The following GPSM1 variants were observed in gnomAD, a reference collection of about 807,000 sequenced individuals.
GPSM1 encodes the protein G protein signaling modulator 1.
Under a neutral mutation model 70.5 loss-of-function variants are expected in GPSM1, and 48 were observed. The ratio of observed to expected loss-of-function variants is 0.68; its 90% CI spans 0.54 to 0.87. GPSM1 has a LOEUF of 0.87. Among genes scored for constraint, GPSM1 ranks in the 40% least tolerant of loss-of-function variants. GPSM1 has a pLI of 0.00. For synonymous variants in GPSM1, 416 were observed against 430.1 expected, an observed-to-expected ratio of 0.97 and a Z score of 0.41; for missense variants, 981 against 972.6, an observed-to-expected ratio of 1.01 and a Z score of -0.11.
intron 13 of GPSM1, among the ~76,000 whole-genome samples, chr9:136,357,504 C>A (rs193293312): frequency 2.0e-5 from 3 of 152,380 alleles, no homozygotes; most frequent in East Asian, 3.9e-4. Flanking sequence ...GGCCTGCACA[C>A]TGGAGCAGGC....
intron 5 of GPSM1, 131 bp downstream of exon 5, chr9:136,337,695 C>A: frequency 1.0e-6 from 1 of 1,002,268 alleles, no homozygotes; most frequent in South Asian, 1.5e-5. Context: ...CGAGTCCTGG[C>A]CTCATCTGCA....
At position 136,343,696 on chromosome 9, in the gene GPSM1, C is replaced by T. The variant is rs892883080; in HGVS notation, c.1207+2703C>T. On this transcript the variant is annotated intron_variant, in intron 9 of 13. Coordinates refer to ENST00000440944, the MANE Select transcript of GPSM1 (RefSeq NM_001145638.3). The surrounding 1 kb of genome is among the most constrained non-coding windows in gnomAD (Gnocchi z 6.0). ...TGCCTCAGTGTCCCCATCTGGGGAA[C>T]GGGCCCATCAGTAGTGCTGGGAACA... is the stretch of plus-strand genomic sequence containing the variant. Among the ~76,000 whole-genome samples, 1 of 152,228 alleles carries T rather than the reference C, an allele frequency of 6.6e-6. No homozygotes were observed. Among genetic ancestry groups the T allele is most frequent in the Non-Finnish European group, 1.5e-5 (1 of 68,044 alleles).
Position 136,341,092 on chromosome 9 carries a change from G to C in GPSM1, c.1207+99G>C. 6.5e-7 allele frequency: 1 copy of C among 1,550,232 alleles called. No individual in the cohort carries two copies. Among genetic ancestry groups the C allele is most frequent in the Non-Finnish European group, 8.7e-7 (1 of 1,146,942 alleles). On this transcript the variant is annotated intron_variant, in intron 9 of 13. Transcript: ENST00000440944. The surrounding 1 kb of genome is among the most constrained non-coding windows in gnomAD (Gnocchi z 6.7). ...ATCGAGGCCAGGCCAGCATGGCGGA[G>C]GTGGCAGCCGCCAGAAAATGGCGCC...
At chr9:136,347,099 G>T (rs566590056) in intron 9 of GPSM1, among the ~76,000 whole-genome samples, 2 of 152,256 alleles carry the variant, frequency 1.3e-5, no homozygotes, top group South Asian at 4.1e-4. Flanking sequence ...GCCTGATGCA[G>T]GCAGCCACCA....
chr9:136,348,467 C>G (rs1253552862), intron 9 of GPSM1, among the ~76,000 whole-genome samples: 1 of 152,240 alleles, frequency 6.6e-6, no homozygotes, highest in Non-Finnish European at 1.5e-5. Context: ...CAGACCCCAC[C>G]TGGCCCCAGC....
chr9:136,358,526 C>CGGAA lies in GPSM1; in HGVS notation c.*306_*307insGGAA. The stretch of plus-strand genomic sequence containing the variant: ...ACTCCCGCATCCTCTCCCCCAAGCC[C>CGGAA]TTCCCGTTCTGCCCTGCCCTGCCAA... On this transcript the variant is annotated 3_prime_UTR_variant, in exon 14 of 14. Transcript: ENST00000440944. 1 of 511,252 alleles carries CGGAA rather than the reference C, an allele frequency of 2.0e-6. No homozygotes were observed. The highest frequency in any genetic ancestry group is 2.5e-5 in the South Asian group (1 of 40,550). 31.7% of individuals were successfully genotyped at this position (511,252 alleles called of 1,614,324 possible). A position where few individuals can be genotyped will look rare whatever the true frequency, so the allele number is the denominator to read the frequency against.
chr9:136,354,710 A>G (rs1462192416), intron 11 of GPSM1: 24 of 573,298 alleles, frequency 4.2e-5, no homozygotes, highest in Non-Finnish European at 4.9e-5. Context: ...GCCACAGGAG[A>G]CCACGCCCTC....
Position 136,340,476 on chromosome 9 carries a change from A to T in GPSM1, c.1084-394A>T, listed in dbSNP as rs1413523278. Among the ~76,000 whole-genome samples the T allele has an allele frequency of 5.3e-5, 8 of 151,684 alleles. No individual in the cohort carries two copies. The highest frequency in any genetic ancestry group is 6.8e-3 in the Middle Eastern group (2 of 292). On this transcript the variant is annotated intron_variant, in intron 8 of 13. Transcript: ENST00000440944. The surrounding 1 kb of genome is among the most constrained non-coding windows in gnomAD (Gnocchi z 7.3). ...CCTCTCTTCTGCTTGACTTAAGCAA[A>T]CAGTTAGTTCCTGAGTGATGTGGAT...
chr9:136,340,724 T>A lies in GPSM1; in HGVS notation c.1084-146T>A, dbSNP rs1832367321. 8.5e-7 allele frequency: 1 copy of A among 1,180,232 alleles called. No individual in the cohort carries two copies. The allele number at this position is 1,180,232 out of a possible 1,614,324, so 73.1% of individuals were successfully genotyped here. A position where few individuals can be genotyped will look rare whatever the true frequency, so the allele number is the denominator to read the frequency against. ...CCTCCGGGTCCACAGTGAGTCCTGG[T>A]TCCCTCAGAGGCCCAGGGGTCAGTG... is the stretch of plus-strand genomic sequence containing the variant. On this transcript the variant is annotated intron_variant, in intron 8 of 13. Transcript: ENST00000440944. This position sits in a 1 kb window ranked among gnomAD's most constrained non-coding sequence, Gnocchi z 7.3.
rs1041278076 is a variant in GPSM1 at position 136,340,035 on chromosome 9, G to A, written c.1083+220G>A. Among the ~76,000 whole-genome samples, 1 of 138,186 alleles carries A rather than the reference G, an allele frequency of 7.2e-6. No individual in the cohort carries two copies. The highest frequency in any genetic ancestry group is 3.1e-5 in the African/African-American group (1 of 32,270). The allele number at this position is 138,186 out of a possible 152,430, so 90.7% of individuals were successfully genotyped here. On this transcript the variant is annotated intron_variant, in intron 8 of 13. Coordinates refer to ENST00000440944, the MANE Select transcript of GPSM1 (RefSeq NM_001145638.3). This position sits in a 1 kb window ranked among gnomAD's most constrained non-coding sequence, Gnocchi z 7.3. The stretch of plus-strand genomic sequence containing the variant: ...AGCTGGTGCCTTCCTGGGCAGCTGC[G>A]TCTCCTCCTCCTTGGAGAGTTTGCA...
intron 11 of GPSM1, among the ~76,000 whole-genome samples, chr9:136,352,324 G>A (rs1554772294): frequency 6.6e-6 from 1 of 151,884 alleles, no homozygotes; most frequent in Non-Finnish European, 1.5e-5. Context: ...ATGCTGCGCC[G>A]TTGCTGTTGG....
chr9:136,356,873 C>T (rs1207937919), intron 13 of GPSM1, among the ~76,000 whole-genome samples: 1 of 152,178 alleles, frequency 6.6e-6, no homozygotes, highest in Non-Finnish European at 1.5e-5. Context: ...AGCTCATGGC[C>T]TCAGGGATTC....
chr9:136,332,399 GC>G (rs1554768607), intron 1 of GPSM1, among the ~76,000 whole-genome samples: 1 of 152,248 alleles, frequency 6.6e-6, no homozygotes. Flanking sequence ...TTCGCCTTGA[GC>G]CTCGGATGCC....
At chr9:136,334,316 G>T in intron 1 of GPSM1, 131 bp from the exon 2 acceptor site, 1 of 659,252 alleles carries the variant, frequency 1.5e-6, no homozygotes, top group Non-Finnish European at 2.6e-6. Flanking sequence ...AGACACTTAG[G>T]TCTGTGAGCA....
At position 136,341,333 on chromosome 9, in the gene GPSM1, A is replaced by G; in HGVS notation, c.1207+340A>G. On this transcript the variant is annotated intron_variant, in intron 9 of 13. Transcript: ENST00000440944. This position sits in a 1 kb window ranked among gnomAD's most constrained non-coding sequence, Gnocchi z 6.7. ...TTCTGTCCTCAGACCCAAGTAGGAG[A>G]GGGCTGCTGGGAGGCGAGAGGGCAT... 3 of 1,435,488 alleles carry G rather than the reference A, an allele frequency of 2.1e-6. No individual in the cohort carries two copies. The South Asian group carries it at 4.5e-5, about 21-fold the overall frequency. 88.9% of individuals were successfully genotyped at this position (1,435,488 alleles called of 1,614,324 possible).
Position 136,343,058 on chromosome 9 carries a change from A to T in GPSM1, c.1207+2065A>T, listed in dbSNP as rs1832434311. On this transcript the variant is annotated intron_variant, in intron 9 of 13. Transcript: ENST00000440944. This position sits in a 1 kb window ranked among gnomAD's most constrained non-coding sequence, Gnocchi z 6.0. ...TTGGCGCGGCTCAGTCAGCGTATTAATCTCACCGCCCTCTGCTGGCCCCTC... is the reference window on the plus strand; with the variant it reads ...TTGGCGCGGCTCAGTCAGCGTATTATTCTCACCGCCCTCTGCTGGCCCCTC... Among the ~76,000 whole-genome samples the T allele has an allele frequency of 6.6e-6, 1 of 151,950 alleles. No homozygotes were observed. The highest frequency in any genetic ancestry group is 2.1e-4 in the South Asian group (1 of 4,822).
rs1253162559 is a variant in GPSM1, at chr9:136,356,241, G to C, written c.1613-101G>C. ...AGCCATGGCCCCAGCAGCACAGTGG[G>C]CTGGGCTGGGCTCAGAGGTCAGAGC... On this transcript the variant is annotated intron_variant, in intron 12 of 13. Coordinates refer to ENST00000440944, the MANE Select transcript of GPSM1 (RefSeq NM_001145638.3). 3 of 912,780 alleles carry C rather than the reference G, an allele frequency of 3.3e-6. No individual in the cohort carries two copies. In the East Asian group the frequency reaches 8.1e-5, roughly 25 times the overall value. The allele number at this position is 912,780 out of a possible 1,614,324, so 56.5% of individuals were successfully genotyped here.
rs1832896660 is a variant in GPSM1 at position 136,358,221 on chromosome 9, G to A, written c.*1G>A. 5 of 1,543,196 alleles carry A rather than the reference G, an allele frequency of 3.2e-6. No homozygotes were observed. The East Asian group carries it at 7.3e-5, about 22-fold the overall frequency. ...GCAGTGCCAGCCTGGTGCGAGCTAA[G>A]GCCCTGTGCCCACCGCCAGGCCCAC... is the stretch of plus-strand genomic sequence containing the variant. On this transcript the variant is annotated 3_prime_UTR_variant, in exon 14 of 14. Coordinates refer to ENST00000440944, the MANE Select transcript of GPSM1 (RefSeq NM_001145638.3).
chr9:136,346,559 A>AAG (rs1554771286), intron 9 of GPSM1, among the ~76,000 whole-genome samples: 2 of 152,216 alleles, frequency 1.3e-5, no homozygotes, highest in East Asian at 3.9e-4. Context: ...ACTAGGTGGC[A>AAG]GCAGGACCCC....
Sources: gnomAD v4.1 joint callset for allele counts (sites outside exome capture counted in the v4.1 genomes callset) on GRCh38, gnomAD v4.1.1 for gene constraint, Gnocchi (gnomAD v3.1) non-coding constraint, MANE v1.5 for transcripts, NCBI Gene and HGNC (gene_info 2026-07-23, HGNC 2026-07-21) for gene names.